VAV2: variants seen among roughly 807,000 people sequenced by gnomAD.
VAV2 encodes the protein guanine nucleotide exchange factor VAV2.
In VAV2, 67 loss-of-function variants were observed where a neutral mutation model predicts 132.5. That is an observed-to-expected ratio of 0.51 (90% CI 0.42 to 0.62). The LOEUF is 0.62. VAV2 is among the 20% of genes least tolerant of loss of function. The probability of loss-of-function intolerance (pLI) is 0.00; values close to 1 mark genes in which losing one functional copy is unlikely to be tolerated. For missense variants in VAV2, 938 were observed against 1,153.6 expected (o/e 0.81, Z 2.71); for synonymous variants, 492 against 443.5 (o/e 1.11, Z -1.37).
At chr9:133,900,291 T>G (rs185214470) in intron 2 of VAV2, among the ~76,000 whole-genome samples, 1 of 152,234 alleles carries the variant, frequency 6.6e-6, no homozygotes, top group East Asian at 1.9e-4. Context: ...TGAGGCCCCC[T>G]GGTAATACTG....
At chr9:133,915,898 C>T (rs1188678916) in intron 2 of VAV2, among the ~76,000 whole-genome samples, 20 of 151,698 alleles carry the variant, frequency 1.3e-4, no homozygotes, top group Admixed American at 1.3e-3. Context: ...CACTCACACA[C>T]GATGCACACG....
chr9:133,970,763 G>C (rs75068726), intron 1 of VAV2, among the ~76,000 whole-genome samples: 2,845 of 152,326 alleles, frequency 0.019, 81 homozygotes, highest in African/African-American at 0.064. Context: ...CGTGTCAAAT[G>C]GTCTCGTCTG....
intron 1 of VAV2, among the ~76,000 whole-genome samples, chr9:133,981,761 C>T (rs899420975): frequency 6.6e-6 from 1 of 152,190 alleles, no homozygotes; most frequent in Non-Finnish European, 1.5e-5. Flanking sequence ...GGCCACTCAT[C>T]GTGTTTCCAA....
chr9:133,775,780 T>G (rs933307452), intron 24 of VAV2, among the ~76,000 whole-genome samples: 3 of 152,250 alleles, frequency 2.0e-5, no homozygotes, highest in Admixed American at 6.5e-5. Context: ...CTGAGCCAGT[T>G]GAGCTGTTTT....
intron 3 of VAV2, among the ~76,000 whole-genome samples, chr9:133,844,227 T>C (rs1007349629): frequency 1.1e-4 from 16 of 152,146 alleles, no homozygotes; most frequent in Admixed American, 7.9e-4. Flanking sequence ...GCATAATATA[T>C]ATTTTTATTT....
chr9:133,894,528 G>A (rs2131987883), intron 2 of VAV2, among the ~76,000 whole-genome samples: 1 of 152,330 alleles, frequency 6.6e-6, no homozygotes, highest in East Asian at 1.9e-4. Context: ...GGGTGACCCT[G>A]CACAAGGCGG....
intron 1 of VAV2, among the ~76,000 whole-genome samples, chr9:133,948,653 G>A (rs1423146596): frequency 1.3e-5 from 2 of 152,220 alleles, no homozygotes; most frequent in East Asian, 3.8e-4. Flanking sequence ...TCACTATTCT[G>A]TAAAGGTTTC....
intron 2 of VAV2, among the ~76,000 whole-genome samples, chr9:133,871,344 C>T (rs1480406815): frequency 7.5e-6 from 1 of 133,512 alleles, no homozygotes; most frequent in Non-Finnish European, 1.6e-5. Context: ...AATGGAGGGG[C>T]GGATGGACAG....
intron 1 of VAV2, among the ~76,000 whole-genome samples, chr9:133,970,882 A>C (rs756703250): frequency 2.6e-5 from 4 of 152,250 alleles, no homozygotes; most frequent in Admixed American, 6.5e-5. Flanking sequence ...CCTGGTTAAC[A>C]GATGTTTCGT....
rs1833584119 is a variant in VAV2 at position 133,770,492 on chromosome 9, C to G, written c.2233G>C (p.Glu745Gln). 6.2e-7 allele frequency: 1 copy of G among 1,613,940 alleles called. No individual in the cohort carries two copies. The highest frequency in any genetic ancestry group is 8.5e-7 in the Non-Finnish European group (1 of 1,179,898). ...KKFDSLLELV[E>Q]YYQCHSLKES... ...TTCAGTGAGTGGCACTGGTAGTACT[C>G]CACCAACTCCTGCAGGGCGTACACA... is the stretch of plus-strand genomic sequence containing the variant. Residue 745 changes from glutamate (E) to glutamine (Q), a missense_variant, in exon 27 of 30, where the codon GAG (glutamate) becomes CAG (glutamine). Transcript: ENST00000371850.
intron 2 of VAV2, among the ~76,000 whole-genome samples, chr9:133,915,833 TGCACACACAAC>T (rs1403236708): frequency 7.3e-4 from 91 of 123,894 alleles, no homozygotes; most frequent in African/African-American, 2.8e-3. Flanking sequence ...CACGCACACG[TGCACACACAAC>T]GCACACACAC....
intron 19 of VAV2, among the ~76,000 whole-genome samples, chr9:133,782,838 G>A (rs147153415): frequency 1.2e-4 from 18 of 152,330 alleles, no homozygotes; most frequent in Non-Finnish European, 2.1e-4. Context: ...GGAGAGAACT[G>A]TCTCAGGCTT....
chr9:133,821,218 C>T (rs896609929), intron 4 of VAV2, among the ~76,000 whole-genome samples: 38 of 152,324 alleles, frequency 2.5e-4, no homozygotes, highest in East Asian at 1.2e-3. Flanking sequence ...GGCTATACTT[C>T]GTGGAAAAAC....
chr9:133,923,276 G>A (rs78034886), intron 2 of VAV2, among the ~76,000 whole-genome samples: 5,222 of 152,216 alleles, frequency 0.034, 285 homozygotes, highest in African/African-American at 0.12. Flanking sequence ...AGAACAGTAC[G>A]GAGTTTCCTC....
At chr9:133,861,763 AG>A (rs949202977) in intron 2 of VAV2, among the ~76,000 whole-genome samples, 4 of 152,294 alleles carry the variant, frequency 2.6e-5, no homozygotes, top group Admixed American at 2.6e-4. Context: ...CCACCTTTAA[AG>A]GGCTCACTCA....
intron 3 of VAV2, among the ~76,000 whole-genome samples, chr9:133,844,979 C>T (rs1293951816): frequency 1.3e-5 from 2 of 152,388 alleles, no homozygotes; most frequent in Middle Eastern, 3.4e-3. Flanking sequence ...AACGCTCTGT[C>T]AGCTACTGGA....
chr9:133,977,518 G>A (rs1225650332), intron 1 of VAV2, among the ~76,000 whole-genome samples: 1 of 152,204 alleles, frequency 6.6e-6, no homozygotes, highest in Non-Finnish European at 1.5e-5. Context: ...TGTGCACCGG[G>A]GACACGTGGC....
intron 2 of VAV2, among the ~76,000 whole-genome samples, chr9:133,874,992 A>G (rs1235147494): frequency 6.6e-6 from 1 of 152,206 alleles, no homozygotes; most frequent in East Asian, 1.9e-4. Flanking sequence ...GTCTCATCCA[A>G]GGCCCCATAG....
In VAV2 at chr9:133,863,018, A is replaced by T. The variant is rs539114631; in HGVS notation, c.322-1586T>A. Among the ~76,000 whole-genome samples the T allele has an allele frequency of 9.2e-5, 14 of 152,198 alleles. No individual in the cohort carries two copies. Among genetic ancestry groups the T allele is most frequent in the African/African-American group, 3.1e-4 (13 of 41,516 alleles). On this transcript the variant is annotated intron_variant, in intron 2 of 29. Coordinates refer to ENST00000371850, the MANE Select transcript of VAV2 (RefSeq NM_001134398.2). The surrounding 1 kb of genome is among the most constrained non-coding windows in gnomAD (Gnocchi z 5.0). ...AGGGTCCTTCTGTGCTTCCTCACAC[A>T]AGACTCGATGGGCCCATTATGCGGC... is the stretch of plus-strand genomic sequence containing the variant.
Sources: gnomAD v4.1 joint callset for allele counts (sites outside exome capture counted in the v4.1 genomes callset) on GRCh38, gnomAD v4.1.1 for gene constraint, Gnocchi (gnomAD v3.1) non-coding constraint, MANE v1.5 for transcripts, NCBI Gene and HGNC (gene_info 2026-07-23, HGNC 2026-07-21) for gene names.